TEX9: variants seen among roughly 807,000 people sequenced by gnomAD.
TEX9 encodes testis expressed 9.
In TEX9, 74 loss-of-function variants were observed where a neutral mutation model predicts 59.6. That is an observed-to-expected ratio of 1.24 (90% CI 1.03 to 1.51). TEX9 has a LOEUF of 1.51. TEX9 is among the 40% of genes most tolerant of loss of function. The pLI is 0.00. For missense variants in TEX9, 522 were observed against 447.8 expected (o/e 1.17, Z -1.49); for synonymous variants, 186 against 152.2 (o/e 1.22, Z -1.64).
chr15:56,459,403 AATGCTGTTATAGACACTCGTGT>A, the TEX9 span, among the ~76,000 whole-genome samples: 2 of 152,180 alleles, frequency 1.3e-5, no homozygotes, highest in African/African-American at 4.8e-5. Context: ...TGTCATGAAT[AATGCTGTTATAGACACTCGTGT>A]ATGAGTTTTT....
At chr15:56,295,734 G>A (rs533595014) in intron 1 of TEX9, among the ~76,000 whole-genome samples, 2 of 152,242 alleles carry the variant, frequency 1.3e-5, no homozygotes, top group East Asian at 3.9e-4. Flanking sequence ...ATGTCCTAAA[G>A]CCACAGTCTT....
At chr15:56,278,093 A>G (rs12437466) in intron 1 of TEX9, among the ~76,000 whole-genome samples, 6,698 of 152,146 alleles carry the variant, frequency 0.044, 227 homozygotes, top group Admixed American at 0.086. Context: ...AAAATTTTCA[A>G]TATTTTTATT....
chr15:56,399,015 C>T (rs1422443694), intron 9 of TEX9, among the ~76,000 whole-genome samples: 8 of 152,164 alleles, frequency 5.3e-5, no homozygotes, highest in African/African-American at 1.9e-4. Context: ...ATAGGAACAG[C>T]TCTGGTCTGT....
At chr15:56,351,528 G>T (rs1234797774) in intron 1 of TEX9, among the ~76,000 whole-genome samples, 1 of 152,212 alleles carries the variant, frequency 6.6e-6, no homozygotes, top group African/African-American at 2.4e-5. Flanking sequence ...AGTGCAGCCA[G>T]TGTGGCAGTA....
intron 9 of TEX9, among the ~76,000 whole-genome samples, chr15:56,400,950 C>T (rs2048737189): frequency 6.6e-6 from 1 of 152,064 alleles, no homozygotes; most frequent in Admixed American, 6.5e-5. Flanking sequence ...TGTTCACCAC[C>T]AGGCCTGCCT....
At chr15:56,316,921 C>T (rs1398686916) in intron 1 of TEX9, among the ~76,000 whole-genome samples, 5 of 152,130 alleles carry the variant, frequency 3.3e-5, no homozygotes, top group Non-Finnish European at 5.9e-5. Flanking sequence ...TTCCAGGTGC[C>T]GTCCGTCACC....
rs568433485 is a variant in TEX9, at chr15:56,428,219, A to G, written c.1099-148A>G. ...ACTGTTGGACAATACCATTTCAAAT[A>G]TCATGCTTATTGGAATTAAGAGTAT... is the stretch of plus-strand genomic sequence containing the variant. On this transcript the variant is annotated intron_variant, in intron 11 of 12. Coordinates refer to ENST00000352903, the Ensembl canonical transcript of TEX9. The G allele has an allele frequency of 5.1e-5, 29 of 566,818 alleles. No individual in the cohort carries two copies. The South Asian group carries it at 7.5e-4, about 15-fold the overall frequency. The allele number at this position is 566,818 out of a possible 1,614,324, so 35.1% of individuals were successfully genotyped here.
intron 1 of TEX9, among the ~76,000 whole-genome samples, chr15:56,356,287 A>C (rs1220997637): frequency 6.6e-6 from 1 of 152,078 alleles, no homozygotes; most frequent in Non-Finnish European, 1.5e-5. Context: ...GCCCTTTATT[A>C]GGTTGAAGAA....
At chr15:56,402,597 A>G (rs1346132172) in intron 9 of TEX9, among the ~76,000 whole-genome samples, 1 of 152,240 alleles carries the variant, frequency 6.6e-6, no homozygotes, top group Non-Finnish European at 1.5e-5. Context: ...AAACTGTTCC[A>G]ATCAATAGAA....
chr15:56,402,215 A>G (rs867718700), intron 9 of TEX9, among the ~76,000 whole-genome samples: 36 of 151,978 alleles, frequency 2.4e-4, no homozygotes, highest in South Asian at 4.2e-4. Flanking sequence ...AATTTTGTCT[A>G]TCAACAAAAT....
intron 1 of TEX9, among the ~76,000 whole-genome samples, chr15:56,291,241 G>C (rs1230402885): frequency 6.6e-6 from 1 of 152,108 alleles, no homozygotes; most frequent in South Asian, 2.1e-4. Flanking sequence ...GTCTGAGTAG[G>C]AGAAAAAGGG....
At chr15:56,335,427 T>C (rs1456649016) in intron 1 of TEX9, among the ~76,000 whole-genome samples, 1 of 152,144 alleles carries the variant, frequency 6.6e-6, no homozygotes, top group African/African-American at 2.4e-5. Context: ...ATGTTTTTAC[T>C]CATTTGTGGG....
At chr15:56,355,376 T>G (rs1489842009) in intron 1 of TEX9, among the ~76,000 whole-genome samples, 1 of 152,278 alleles carries the variant, frequency 6.6e-6, no homozygotes, top group East Asian at 1.9e-4. Flanking sequence ...GATTTACAAT[T>G]ATCCCAGCAG....
intron 1 of TEX9, among the ~76,000 whole-genome samples, chr15:56,310,777 A>AC (rs1181126484): frequency 2.6e-5 from 4 of 152,210 alleles, no homozygotes; most frequent in African/African-American, 9.6e-5. Flanking sequence ...GGAGCACAGA[A>AC]CAGAGGCAGC....
At chr15:56,268,473 G>C (rs2044444629) in intron 1 of TEX9, among the ~76,000 whole-genome samples, 1 of 152,152 alleles carries the variant, frequency 6.6e-6, no homozygotes, top group Non-Finnish European at 1.5e-5. Context: ...GTCGTAAATA[G>C]CTCTTATTAT....
At chr15:56,392,751 G>A (rs762633887) in intron 7 of TEX9, among the ~76,000 whole-genome samples, 13 of 152,090 alleles carry the variant, frequency 8.5e-5, no homozygotes, top group Non-Finnish European at 1.6e-4. Flanking sequence ...AAGGTAAATG[G>A]AGCAGTAAGT....
chr15:56,254,480 G>C (rs1173456942), intron 1 of TEX9, among the ~76,000 whole-genome samples: 2 of 151,586 alleles, frequency 1.3e-5, no homozygotes, highest in African/African-American at 4.8e-5. Flanking sequence ...CAGAAGAGTA[G>C]CAGTGGACCC....
At chr15:56,417,817 A>G (rs1355958763) in intron 10 of TEX9, among the ~76,000 whole-genome samples, 2 of 151,800 alleles carry the variant, frequency 1.3e-5, no homozygotes, top group Non-Finnish European at 2.9e-5. Context: ...GTGAGAGTCT[A>G]TGTCTCTTTG....
chr15:56,265,326 C>T (rs1479229274), intron 1 of TEX9, among the ~76,000 whole-genome samples: 1 of 151,534 alleles, frequency 6.6e-6, no homozygotes, highest in African/African-American at 2.4e-5. Context: ...GCTACCAGGC[C>T]CAGCTTTTTT....
Sources: allele counts gnomAD v4.1 joint callset (sites outside exome capture counted in the v4.1 genomes callset), GRCh38; gene constraint gnomAD v4.1.1; transcripts MANE v1.5; gene names NCBI Gene and HGNC (gene_info 2026-07-23, HGNC 2026-07-21).